The following JMY variants were observed in gnomAD, a reference collection of about 807,000 sequenced individuals.
JMY encodes junction mediating and regulatory protein, p53 cofactor, also known as junction-mediating and -regulatory protein.
JMY carries 46 observed loss-of-function variants against 103.3 expected under a neutral mutation model. The observed-to-expected ratio is 0.45, with a 90% CI of 0.35 to 0.57. The LOEUF (loss-of-function observed/expected upper bound fraction) is 0.57, where lower values mean the gene tolerates loss of function less well. JMY is among the 20% of genes least tolerant of loss of function. The probability of loss-of-function intolerance (pLI) is 0.00; values close to 1 mark genes in which losing one functional copy is unlikely to be tolerated. For synonymous variants in JMY, 526 were observed against 489.3 expected (o/e 1.07, Z -0.99); for missense variants, 1,238 against 1,255.2 (o/e 0.99, Z 0.21).
chr5:79,314,116 C>G (rs1580373139), intron 8 of JMY, 141 bp from the exon 9 acceptor site: 1 of 1,384,022 alleles, frequency 7.2e-7, no homozygotes, highest in East Asian at 2.5e-5. Flanking sequence ...GCCTCGGCCT[C>G]CCAAAGTGCT....
At chr5:79,237,930 T>C (rs1188636825) in intron 1 of JMY, among the ~76,000 whole-genome samples, 1 of 152,156 alleles carries the variant, frequency 6.6e-6, no homozygotes, top group Non-Finnish European at 1.5e-5. Flanking sequence ...GCGCTCTGTG[T>C]ACTACTCAGT....
Position 79,324,594 on chromosome 5 carries a change from G to A in JMY, c.*2992G>A, listed in dbSNP as rs1747571184. On this transcript the variant is annotated 3_prime_UTR_variant, in exon 11 of 11. Transcript: ENST00000396137. ...ATTATAACCAATGTAGCATGTGTAG[G>A]AAAGGTATTTTTAATTATTTAAAAT... 1 of 152,206 alleles carries A rather than the reference G, an allele frequency of 6.6e-6. No homozygotes were observed. Among genetic ancestry groups the A allele is most frequent in the Admixed American group, 6.5e-5 (1 of 15,280 alleles). The allele number at this position is 152,206 out of a possible 1,614,324, so 9.4% of individuals were successfully genotyped here. A position where few individuals can be genotyped will look rare whatever the true frequency, so the allele number is the denominator to read the frequency against.
intron 1 of JMY, among the ~76,000 whole-genome samples, chr5:79,255,253 C>T (rs1185995207): frequency 4.0e-5 from 6 of 151,674 alleles, no homozygotes; most frequent in Non-Finnish European, 8.8e-5. Context: ...CCCACCACCA[C>T]GCCTGGCTAA....
chr5:79,260,777 G>A (rs540387068), intron 1 of JMY, among the ~76,000 whole-genome samples: 5 of 151,562 alleles, frequency 3.3e-5, no homozygotes, highest in Non-Finnish European at 7.4e-5. Flanking sequence ...TAATTAGCAG[G>A]AATAATATAA....
At position 79,325,743 on chromosome 5, in the gene JMY, A is replaced by G. The variant is rs1439005734; in HGVS notation, c.*4141A>G. ...AAGGGTCACTGCTTAATTGCTTTGT[A>G]AAATGAAGCAATGGTATTTTTTATC... On this transcript the variant is annotated 3_prime_UTR_variant, in exon 11 of 11. Coordinates refer to ENST00000396137, the MANE Select transcript of JMY (RefSeq NM_152405.5). 1 of 152,206 alleles carries G rather than the reference A, an allele frequency of 6.6e-6. No individual in the cohort carries two copies. Among genetic ancestry groups the G allele is most frequent in the Non-Finnish European group, 1.5e-5 (1 of 68,022 alleles). The allele number at this position is 152,206 out of a possible 1,614,324, so 9.4% of individuals were successfully genotyped here.
intron 4 of JMY, among the ~76,000 whole-genome samples, chr5:79,298,450 T>A (rs575723576): frequency 6.6e-6 from 1 of 152,220 alleles, no homozygotes; most frequent in Non-Finnish European, 1.5e-5. Context: ...TCATCTAAAG[T>A]GGCGAGTCCA....
chr5:79,260,036 G>A (rs1338521188), intron 1 of JMY, among the ~76,000 whole-genome samples: 1 of 152,210 alleles, frequency 6.6e-6, no homozygotes, highest in Non-Finnish European at 1.5e-5. Context: ...TACCCTGCTG[G>A]CAGGCAACTC....
intron 4 of JMY, 61 bp downstream of exon 4, chr5:79,291,360 T>G: frequency 2.8e-6 from 4 of 1,416,270 alleles, no homozygotes; most frequent in Non-Finnish European, 3.8e-6. Flanking sequence ...TTTTAATCTT[T>G]GCACAAGACA....
chr5:79,269,075 A>G (rs1335491780), intron 1 of JMY, among the ~76,000 whole-genome samples: 1 of 152,196 alleles, frequency 6.6e-6, no homozygotes, highest in Non-Finnish European at 1.5e-5. Flanking sequence ...GCCAAAGGCA[A>G]GGTCAGCTGG....
rs1747571117 is a variant in JMY, at chr5:79,324,591, T to C, written c.*2989T>C. On this transcript the variant is annotated 3_prime_UTR_variant, in exon 11 of 11. Transcript: ENST00000396137. Reference sequence around the variant, plus strand: ...AAAATTATAACCAATGTAGCATGTGTAGGAAAGGTATTTTTAATTATTTAA... The same window carrying C: ...AAAATTATAACCAATGTAGCATGTGCAGGAAAGGTATTTTTAATTATTTAA... 6.6e-6 allele frequency: 1 copy of C among 152,202 alleles called. No homozygotes were observed. Among genetic ancestry groups the C allele is most frequent in the African/African-American group, 2.4e-5 (1 of 41,460 alleles). 9.4% of individuals were successfully genotyped at this position (152,202 alleles called of 1,614,324 possible).
chr5:79,310,057 C>CTT (rs55994052), intron 7 of JMY, among the ~76,000 whole-genome samples: 946 of 73,654 alleles, frequency 0.013, 125 homozygotes, highest in African/African-American at 0.038. Context: ...CTTTCTTTTC[C>CTT]TTTTTTTTTT....
In JMY at chr5:79,237,568, C is replaced by T; in HGVS notation, c.918C>T (p.Ser306=). 6.2e-7 allele frequency: 1 copy of T among 1,613,704 alleles called. No individual in the cohort carries two copies. Among genetic ancestry groups the T allele is most frequent in the Non-Finnish European group, 8.5e-7 (1 of 1,180,024 alleles). Residue 306 remains serine, a synonymous_variant, in exon 1 of 11, where the codon TCC becomes TCT. Transcript: ENST00000396137. ...ACACCTGCGGCTGGAAGATCCTCTC[C>T]CAGGTGCTCTTCACCGAGACCGATG... The part of the protein sequence containing the change: ...GLDTCGWKIL[S]QVLFTETDDP...
chr5:79,236,818 C>G lies in JMY; in HGVS notation c.168C>G (p.Ser56Arg). 1 of 1,478,290 alleles carries G rather than the reference C, an allele frequency of 6.8e-7. No individual in the cohort carries two copies. Among genetic ancestry groups the G allele is most frequent in the South Asian group, 1.3e-5 (1 of 75,084 alleles). 91.6% of individuals were successfully genotyped at this position (1,478,290 alleles called of 1,614,324 possible). A position where few individuals can be genotyped will look rare whatever the true frequency, so the allele number is the denominator to read the frequency against. ...ACCGGACGGCCCAGAGGCAGAGGAG[C>G]GGCTCCCGGGAGCAAGCGGGGGCGC... ...CHNRTAQRQR[S>R]GSREQAGARG... is the part of the protein sequence containing the mutation. Residue 56 changes from serine to arginine, a missense_variant, in exon 1 of 11, where the codon AGC (serine) becomes AGG (arginine). Coordinates refer to ENST00000396137, the MANE Select transcript of JMY (RefSeq NM_152405.5).
Position 79,251,831 on chromosome 5 carries a change from A to G in JMY, c.1032+14149A>G, listed in dbSNP as rs549463682. On this transcript the variant is annotated intron_variant, in intron 1 of 10. Transcript: ENST00000396137. ...CTCTTGTTGCCCAGGCTGGAGTGCA[A>G]TGGCAAGATATCAGCTCACTGGAAC... Among the ~76,000 whole-genome samples, 4 of 152,036 alleles carry G rather than the reference A, an allele frequency of 2.6e-5. No individual in the cohort carries two copies. The East Asian group carries it at 7.7e-4, about 29-fold the overall frequency.
intron 4 of JMY, among the ~76,000 whole-genome samples, chr5:79,297,588 A>ATTATT: frequency 6.6e-6 from 1 of 152,184 alleles, no homozygotes; most frequent in South Asian, 2.1e-4. Flanking sequence ...ACCTCAGAGT[A>ATTATT]TTATTTTGCC....
intron 1 of JMY, among the ~76,000 whole-genome samples, chr5:79,261,330 T>C (rs1745415708): frequency 6.6e-6 from 1 of 152,158 alleles, no homozygotes. Context: ...CTGATTGTTC[T>C]CCTGCCCCAT....
rs569806627 is a variant in JMY at position 79,288,050 on chromosome 5, T to C, written c.1207-2071T>C. ...GAAAGCACACATACCAATTTTCTTATAGCAAACAACTCCACCAGAATCCTT... is the reference window on the plus strand; with the variant it reads ...GAAAGCACACATACCAATTTTCTTACAGCAAACAACTCCACCAGAATCCTT... On this transcript the variant is annotated intron_variant, in intron 2 of 10. Transcript: ENST00000396137. 8.5e-5 allele frequency among the ~76,000 whole-genome samples: 13 copies of C among 152,364 alleles called. No individual in the cohort carries two copies. The East Asian group carries it at 1.7e-3, about 20-fold the overall frequency.
At chr5:79,292,736 T>A (rs1475123182) in intron 4 of JMY, among the ~76,000 whole-genome samples, 4 of 152,118 alleles carry the variant, frequency 2.6e-5, no homozygotes, top group African/African-American at 4.8e-5. Flanking sequence ...CTGTAGTTGG[T>A]CTAGAGTAGT....
At position 79,242,640 on chromosome 5, in the gene JMY, G is replaced by T. The variant is rs112970810; in HGVS notation, c.1032+4958G>T. Among the ~76,000 whole-genome samples the T allele has an allele frequency of 7.5e-3, 1,148 of 152,246 alleles. 15 individuals are homozygous for T. The highest frequency in any genetic ancestry group is 0.026 in the African/African-American group (1,090 of 41,550). On this transcript the variant is annotated intron_variant, in intron 1 of 10. Coordinates refer to ENST00000396137, the MANE Select transcript of JMY (RefSeq NM_152405.5). ...CCTAGATTTGTCTTAATCCAAACGT[G>T]TGCCTTTTCTGCCATGCCTGTGGCC...
Sources: allele counts gnomAD v4.1 joint callset (sites outside exome capture counted in the v4.1 genomes callset), GRCh38; gene constraint gnomAD v4.1.1; transcripts MANE v1.5; gene names NCBI Gene and HGNC (gene_info 2026-07-23, HGNC 2026-07-21).